OSBPL10: variants seen among roughly 807,000 people sequenced by gnomAD.
OSBPL10 encodes the protein oxysterol binding protein like 10.
In OSBPL10, 49 loss-of-function variants were observed where a neutral mutation model predicts 81.7. The observed-to-expected ratio is 0.60, with a 90% CI of 0.48 to 0.76. The LOEUF (loss-of-function observed/expected upper bound fraction) is 0.76. OSBPL10 is among the 30% of genes least tolerant of loss of function. OSBPL10 has a pLI of 0.00. For missense variants in OSBPL10, 923 were observed against 987.8 expected (o/e 0.93, Z 0.88); for synonymous variants, 419 against 383.6 (o/e 1.09, Z -1.08).
intron 1 of OSBPL10, among the ~76,000 whole-genome samples, chr3:31,902,258 ATTTTT>A (rs574112153): frequency 1.4e-4 from 16 of 117,952 alleles, no homozygotes; most frequent in Non-Finnish European, 1.7e-4. Context: ...TCTTGTCAGT[ATTTTT>A]TTTTTTTTTT....
chr3:32,072,639 A>G (rs1204795909), intron 1 of OSBPL10, among the ~76,000 whole-genome samples: 1 of 152,098 alleles, frequency 6.6e-6, no homozygotes, highest in Non-Finnish European at 1.5e-5. Context: ...TCAGTGTTCC[A>G]TCTGCTATTC....
chr3:31,730,357 GA>G (rs796750527), intron 6 of OSBPL10, among the ~76,000 whole-genome samples: 7,674 of 143,402 alleles, frequency 0.054, 588 homozygotes, highest in African/African-American at 0.17. Flanking sequence ...AAAAAAGGGG[GA>G]AAAAAAAAAA....
chr3:31,769,559 T>G (rs1249257445), intron 4 of OSBPL10, among the ~76,000 whole-genome samples: 2 of 145,912 alleles, frequency 1.4e-5, no homozygotes, highest in Admixed American at 6.9e-5. Context: ...AAAAATATAT[T>G]TTTATATTAT....
chr3:31,934,601 T>G (rs1228253509), intron 1 of OSBPL10, among the ~76,000 whole-genome samples: 1 of 151,986 alleles, frequency 6.6e-6, no homozygotes, highest in Non-Finnish European at 1.5e-5. Flanking sequence ...AAGATGGGGT[T>G]TCACCATGTT....
At chr3:32,042,554 G>GA (rs1182241683) in intron 2 of OSBPL10, among the ~76,000 whole-genome samples, 1 of 152,010 alleles carries the variant, frequency 6.6e-6, no homozygotes, top group African/African-American at 2.4e-5. Context: ...CATATTGGGG[G>GA]AACCTGCCCC....
chr3:31,729,482 C>A (rs1429392577), intron 6 of OSBPL10, among the ~76,000 whole-genome samples: 1 of 152,116 alleles, frequency 6.6e-6, no homozygotes, highest in Non-Finnish European at 1.5e-5. Context: ...AGTGGAGTGG[C>A]ACAATCTCGG....
At chr3:31,813,481 G>T (rs1407206434) in intron 4 of OSBPL10, among the ~76,000 whole-genome samples, 3 of 152,184 alleles carry the variant, frequency 2.0e-5, no homozygotes, top group Admixed American at 1.3e-4. Flanking sequence ...TGACACATAG[G>T]AGAAAGTGTT....
chr3:31,786,702 C>T (rs543606704), intron 4 of OSBPL10, among the ~76,000 whole-genome samples: 1 of 152,306 alleles, frequency 6.6e-6, no homozygotes, highest in African/African-American at 2.4e-5. Context: ...GACACAAACA[C>T]TCAAACCATA....
intron 4 of OSBPL10, among the ~76,000 whole-genome samples, chr3:31,796,506 A>T (rs544434545): frequency 6.6e-6 from 1 of 152,224 alleles, no homozygotes; most frequent in South Asian, 2.1e-4. Context: ...GGGTCCTAGA[A>T]CCAATCCCCT....
At chr3:31,916,206 G>T (rs552091927) in intron 1 of OSBPL10, among the ~76,000 whole-genome samples, 1 of 152,022 alleles carries the variant, frequency 6.6e-6, no homozygotes, top group African/African-American at 2.4e-5. Context: ...TATCCAAAAG[G>T]CTATAGCACA....
chr3:32,026,027 G>GATAGATAA (rs1559551394), intron 2 of OSBPL10, among the ~76,000 whole-genome samples: 1 of 122,354 alleles, frequency 8.2e-6, no homozygotes, highest in African/African-American at 3.3e-5. Flanking sequence ...TAGATAGATA[G>GATAGATAA]ATAGATAGAT....
rs188341742 is a variant in OSBPL10 at position 31,956,907 on chromosome 3, C to T, written c.281+23992G>A. ...CAGTACTTTGGGAGCCTGAGGTGGG[C>T]AGATTGCTTGAGTCCAGAAGTTCAA... is the stretch of plus-strand genomic sequence containing the variant. On this transcript the variant is annotated intron_variant, in intron 1 of 11. Coordinates refer to ENST00000396556, the MANE Select transcript of OSBPL10 (RefSeq NM_017784.5). Among the ~76,000 whole-genome samples, 605 of 151,902 alleles carry T rather than the reference C, an allele frequency of 4.0e-3. 2 individuals carry two copies. The highest frequency in any genetic ancestry group is 8.9e-3 in the Admixed American group (135 of 15,246).
rs376258397 is a variant in OSBPL10 at position 31,810,032 on chromosome 3, C to T, written c.729+20008G>A. ...GATTACAGGCATGTGCCACCACGCC[C>T]GGCTAATTTCGTATCTTTGATAGAG... On this transcript the variant is annotated intron_variant, in intron 4 of 11. Transcript: ENST00000396556. Among the ~76,000 whole-genome samples the T allele has an allele frequency of 5.5e-4, 83 of 151,886 alleles. 2 individuals carry two copies. In the South Asian group the frequency reaches 0.012, roughly 22 times the overall value.
intron 6 of OSBPL10, among the ~76,000 whole-genome samples, chr3:31,722,471 T>C (rs933560195): frequency 3.3e-5 from 5 of 152,104 alleles, no homozygotes; most frequent in African/African-American, 1.2e-4. Flanking sequence ...CTGTATAATA[T>C]TACATTCTAA....
At position 31,989,313 on chromosome 3, in the gene OSBPL10, G is replaced by A. The variant is rs376442627; in HGVS notation, n.298+57178C>T. 87 of 1,614,036 alleles carry A rather than the reference G, an allele frequency of 5.4e-5. No homozygotes were observed. The Middle Eastern group carries it at 8.2e-4, about 15-fold the overall frequency. ...TGATGAAGAAGTTCTCATCAACAGC[G>A]CAAGGCAATACAGAAGTGGACACAG... On this transcript the variant is annotated intron_variant and non_coding_transcript_variant, in intron 2 of 3. Coordinates refer to the OSBPL10 transcript ENST00000479173.
chr3:31,663,595 C>G, intron 11 of OSBPL10: 1 of 1,024,398 alleles, frequency 9.8e-7, no homozygotes, highest in Non-Finnish European at 1.2e-6. Context: ...GGCTGGCCTT[C>G]CCCTGCATGA....
chr3:31,757,961 A>G (rs941962841), intron 4 of OSBPL10, among the ~76,000 whole-genome samples: 30 of 152,236 alleles, frequency 2.0e-4, no homozygotes, highest in African/African-American at 7.2e-4. Flanking sequence ...TTTGTAAGGG[A>G]AATTTACATT....
At chr3:31,770,434 A>G (rs942754532) in intron 4 of OSBPL10, among the ~76,000 whole-genome samples, 45 of 152,320 alleles carry the variant, frequency 3.0e-4, no homozygotes, top group East Asian at 1.9e-4. Flanking sequence ...CTGGTTTGAG[A>G]AACAGGAGTC....
intron 1 of OSBPL10, among the ~76,000 whole-genome samples, chr3:31,950,131 G>A (rs934325565): frequency 1.3e-5 from 2 of 152,166 alleles, no homozygotes; most frequent in African/African-American, 4.8e-5. Flanking sequence ...ATATGGAAAA[G>A]AAGTAAGAAC....
Sources: allele counts gnomAD v4.1 joint callset (sites outside exome capture counted in the v4.1 genomes callset), GRCh38; gene constraint gnomAD v4.1.1; transcripts MANE v1.5; gene names NCBI Gene and HGNC (gene_info 2026-07-23, HGNC 2026-07-21).